Variants in INTS8 observed in about 807,000 individuals in gnomAD.
INTS8 encodes the protein protein kaonashi-1.
In INTS8, 47 loss-of-function variants were observed where a neutral mutation model predicts 138.9. The observed-to-expected ratio is 0.34, with a 90% confidence interval of 0.27 to 0.43. The LOEUF (loss-of-function observed/expected upper bound fraction) is 0.43, where lower values mean the gene tolerates loss of function less well. INTS8 is among the 20% of genes least tolerant of loss of function. The pLI is 1.00. For synonymous variants in INTS8, 392 were observed against 400.9 expected (o/e 0.98, Z 0.27); for missense variants, 996 against 1,173.0 (o/e 0.85, Z 2.20).
intron 26 of INTS8, 38 bp downstream of exon 26, chr8:94,876,527 C>A: frequency 2.3e-6 from 3 of 1,320,294 alleles, no homozygotes; most frequent in South Asian, 1.3e-5. Context: ...GGTACAGTTT[C>A]CAGAATATTA....
chr8:94,852,136 T>A (rs963209590), intron 13 of INTS8, among the ~76,000 whole-genome samples: 3 of 152,058 alleles, frequency 2.0e-5, no homozygotes, highest in African/African-American at 7.2e-5. Flanking sequence ...AGAGATGGGG[T>A]TTCACCATGT....
chr8:94,856,980 T>TA lies in INTS8; in HGVS notation c.1954+4dup, dbSNP rs748261448. On this transcript the variant is annotated splice_region_variant and intron_variant, in intron 15 of 26. Coordinates refer to ENST00000523731, the MANE Select transcript of INTS8 (RefSeq NM_017864.4). ...GCTATCTGGAAATGAGGCTTCCTGG[T>TA]AAGACTGGTTCACAAAGACAAATTT... The TA allele has an allele frequency of 8.1e-6, 13 of 1,611,356 alleles. 1 individual carries two copies. In the South Asian group the frequency reaches 1.4e-4, roughly 18 times the overall value.
chr8:94,851,709 A>G, intron 13 of INTS8, 23 bp downstream of exon 13: 2 of 1,549,606 alleles, frequency 1.3e-6, no homozygotes, highest in South Asian at 1.3e-5. Flanking sequence ...TCAAGAACAG[A>G]TAAGAAAATT....
At chr8:94,834,650 C>G (rs898010152) in intron 6 of INTS8, among the ~76,000 whole-genome samples, 1 of 151,180 alleles carries the variant, frequency 6.6e-6, no homozygotes, top group African/African-American at 2.4e-5. Context: ...TTGCAGTGAG[C>G]CGAGATCACC....
Position 94,881,550 on chromosome 8 carries a change from T to C in INTS8, c.*1316T>C. 1 of 1,431,898 alleles carries C rather than the reference T, an allele frequency of 7.0e-7. No individual in the cohort carries two copies. Among genetic ancestry groups the C allele is most frequent in the Non-Finnish European group, 9.6e-7 (1 of 1,041,382 alleles). 88.7% of individuals were successfully genotyped at this position (1,431,898 alleles called of 1,614,324 possible). A position where few individuals can be genotyped will look rare whatever the true frequency, so the allele number is the denominator to read the frequency against. On this transcript the variant is annotated 3_prime_UTR_variant, in exon 27 of 27. Transcript: ENST00000523731. ...CTAGGGCAATCAATCACAGCACTAC[T>C]TTCTGTAAAACTTTAGTAGTTCAGT...
At chr8:94,854,487 G>A (rs566126151) in intron 14 of INTS8, among the ~76,000 whole-genome samples, 1 of 152,288 alleles carries the variant, frequency 6.6e-6, no homozygotes, top group East Asian at 1.9e-4. Flanking sequence ...AGTAAAGATT[G>A]TGTACCAAGA....
chr8:94,833,253 G>A (rs1007384423), intron 6 of INTS8, among the ~76,000 whole-genome samples: 7 of 152,026 alleles, frequency 4.6e-5, no homozygotes, highest in East Asian at 1.9e-4. Flanking sequence ...GGGAAGGTGC[G>A]TTTTCAGATT....
Position 94,864,293 on chromosome 8 carries a change from C to T in INTS8, c.2077-1213C>T, listed in dbSNP as rs191052195. On this transcript the variant is annotated intron_variant, in intron 16 of 26. Coordinates refer to ENST00000523731, the MANE Select transcript of INTS8 (RefSeq NM_017864.4). ...AAAGCCGCCTTAAGCAGTAGGGACC[C>T]CTAGGTCCATTTTAAGTAGAAACCA... Among the ~76,000 whole-genome samples, 263 of 152,196 alleles carry T rather than the reference C, an allele frequency of 1.7e-3. 1 individual carries two copies. The highest frequency in any genetic ancestry group is 6.1e-3 in the African/African-American group (255 of 41,522).
intron 6 of INTS8, among the ~76,000 whole-genome samples, chr8:94,834,482 C>T (rs777322490): frequency 1.1e-4 from 17 of 151,580 alleles, no homozygotes; most frequent in Non-Finnish European, 1.6e-4. Flanking sequence ...CCAAGATGAG[C>T]GGATCACCTG....
intron 20 of INTS8, among the ~76,000 whole-genome samples, chr8:94,869,775 G>A (rs1038420870): frequency 1.4e-4 from 22 of 152,274 alleles, no homozygotes; most frequent in Admixed American, 4.6e-4. Flanking sequence ...ACAGGCATGA[G>A]CCACTGCGCC....
Position 94,842,299 on chromosome 8 carries a change from C to G in INTS8, c.1119-48C>G, listed in dbSNP as rs761035983. 101 of 1,308,932 alleles carry G rather than the reference C, an allele frequency of 7.7e-5. 1 individual carries two copies. Among genetic ancestry groups the G allele is most frequent in the Non-Finnish European group, 9.6e-6 (9 of 940,716 alleles). 81.1% of individuals were successfully genotyped at this position (1,308,932 alleles called of 1,614,324 possible). A position where few individuals can be genotyped will look rare whatever the true frequency, so the allele number is the denominator to read the frequency against. On this transcript the variant is annotated intron_variant, in intron 9 of 26. Coordinates refer to ENST00000523731, the MANE Select transcript of INTS8 (RefSeq NM_017864.4). ...ATATAGTTGTATAATATACACCTTT[C>G]TTTTGTAGTAAAAATAACATTAGTT...
At chr8:94,842,728 C>G (rs774971128) in intron 10 of INTS8, among the ~76,000 whole-genome samples, 7 of 152,222 alleles carry the variant, frequency 4.6e-5, no homozygotes, top group Non-Finnish European at 7.3e-5. Flanking sequence ...ATTGACTTCT[C>G]TATTGCTCTT....
rs892234847 is a variant in INTS8 at position 94,847,101 on chromosome 8, C to T, written c.1261-2361C>T. On this transcript the variant is annotated intron_variant, in intron 10 of 26. Coordinates refer to ENST00000523731, the MANE Select transcript of INTS8 (RefSeq NM_017864.4). ...TGTCGGCCAAACTGGAGTGCAGTGG[C>T]GCAATCTTGACTCACTACAACTTCC... is the stretch of plus-strand genomic sequence containing the variant. 3.9e-5 allele frequency among the ~76,000 whole-genome samples: 6 copies of T among 152,010 alleles called. No individual in the cohort carries two copies. In the East Asian group the frequency reaches 5.8e-4, roughly 15 times the overall value.
chr8:94,829,523 C>A (rs1340196455), intron 5 of INTS8, among the ~76,000 whole-genome samples: 1 of 152,148 alleles, frequency 6.6e-6, no homozygotes, highest in Non-Finnish European at 1.5e-5. Context: ...GATGAAGCTT[C>A]TTTTGCTCAC....
rs775858813 is a variant in INTS8, at chr8:94,851,682, A to C, written c.1637A>C (p.Asn546Thr). The C allele has an allele frequency of 3.1e-6, 5 of 1,587,782 alleles. No individual in the cohort carries two copies. Among genetic ancestry groups the C allele is most frequent in the Admixed American group, 1.9e-5 (1 of 52,492 alleles). The change falls in exon 13 of 27, where the codon AAT (asparagine) becomes ACT (threonine). Residue 546 changes from asparagine (N) to threonine (T), a missense_variant. By Grantham distance (65) the Asn-to-Thr change is moderately conservative (BLOSUM62 0). Transcript: ENST00000523731. ...TSERQFWTVSNKWEVPSVYSG... is the reference protein window; with the variant it reads ...TSERQFWTVSTKWEVPSVYSG... ...GAGCGCCAGTTCTGGACAGTGTCTAATAAGGTAAACCCTATGTCAAGAACA... is the reference window on the plus strand; with the variant it reads ...GAGCGCCAGTTCTGGACAGTGTCTACTAAGGTAAACCCTATGTCAAGAACA...
chr8:94,876,535 T>C, intron 26 of INTS8, 46 bp downstream of exon 26: 1 of 1,242,962 alleles, frequency 8.0e-7, no homozygotes, highest in Non-Finnish European at 1.1e-6. Context: ...TTCCAGAATA[T>C]TAAACAATTG....
At chr8:94,866,822 C>A in intron 18 of INTS8, 1 of 261,020 alleles carries the variant, frequency 3.8e-6, no homozygotes, top group Non-Finnish European at 7.2e-6. Flanking sequence ...TGGACGTAAC[C>A]TAGGTTTCAC....
chr8:94,876,236 C>G lies in INTS8; in HGVS notation c.2778C>G (p.Asp926Glu). The G allele has an allele frequency of 6.2e-7, 1 of 1,612,116 alleles. No homozygotes were observed. The highest frequency in any genetic ancestry group is 8.5e-7 in the Non-Finnish European group (1 of 1,178,658). The change falls in exon 25 of 27, where the codon GAC (aspartate) becomes GAG (glutamate). Residue 926 changes from aspartate to glutamate, a missense_variant. Physicochemically the swap from Asp to Glu is conservative, Grantham distance 45. Transcript: ENST00000523731. ...LQEQNSHDAM[D>E]SYYDYIWDVT... ...TGTCTTTCAGTCATGATGCTATGGA[C>G]TCCTACTACGACTACATATGGGATG...
At chr8:94,870,816 C>A (rs569039504) in intron 20 of INTS8, among the ~76,000 whole-genome samples, 1 of 152,294 alleles carries the variant, frequency 6.6e-6, no homozygotes, top group South Asian at 2.1e-4. Context: ...TCTGAATCCA[C>A]AGCCTGTATT....
Sources: allele counts gnomAD v4.1 joint callset (sites outside exome capture counted in the v4.1 genomes callset), GRCh38; gene constraint gnomAD v4.1.1; transcripts MANE v1.5; gene names NCBI Gene and HGNC (gene_info 2026-07-23, HGNC 2026-07-21).